The following KIAA0825 variants were observed in gnomAD, a reference collection of about 807,000 sequenced individuals.
The protein encoded by KIAA0825 is uncharacterized protein KIAA0825.
In KIAA0825, 119 loss-of-function variants were observed where a neutral mutation model predicts 147.6. The ratio of observed to expected loss-of-function variants is 0.81; its 90% CI spans 0.69 to 0.94. The LOEUF (loss-of-function observed/expected upper bound fraction) is 0.94, where lower values mean the gene tolerates loss of function less well. Among genes scored for constraint, KIAA0825 ranks in the 40% least tolerant of loss-of-function variants. KIAA0825 has a pLI of 0.00. For missense variants in KIAA0825, 1,381 were observed against 1,472.7 expected (o/e 0.94, Z 1.02); for synonymous variants, 470 against 518.1 (o/e 0.91, Z 1.26).
chr5:94,475,810 A>AAAAAG lies in KIAA0825; in HGVS notation c.1227+1296_1227+1300dup, dbSNP rs151020241. Among the ~76,000 whole-genome samples the AAAAAG allele has an allele frequency of 5.5e-3, 834 of 152,224 alleles. 4 individuals carry two copies. The highest frequency in any genetic ancestry group is 6.6e-3 in the African/African-American group (275 of 41,522). On this transcript the variant is annotated intron_variant, in intron 7 of 20. Transcript: ENST00000682413. ...GGTGACAGAGTGATACTATGTCTCA[A>AAAAAG]AAAAGAAAAGAAAAGAAAAGAAAAG...
intron 20 of KIAA0825, among the ~76,000 whole-genome samples, chr5:94,288,820 C>A (rs1777763983): frequency 6.6e-6 from 1 of 152,134 alleles, no homozygotes; most frequent in Admixed American, 6.6e-5. Flanking sequence ...GTTGTGGAAC[C>A]TGGAGTGTTC....
intron 20 of KIAA0825, among the ~76,000 whole-genome samples, chr5:94,332,370 C>T (rs1781369642): frequency 6.6e-6 from 1 of 151,984 alleles, no homozygotes; most frequent in Admixed American, 6.6e-5. Flanking sequence ...AATGCTATCC[C>T]TCCCCTTGCC....
rs1197007885 is a variant in KIAA0825, at chr5:94,520,943, G to T, written c.301-26C>A. The T allele has an allele frequency of 2.7e-6, 4 of 1,476,070 alleles. No individual in the cohort carries two copies. The East Asian group carries it at 7.1e-5, about 26-fold the overall frequency. 91.4% of individuals were successfully genotyped at this position (1,476,070 alleles called of 1,614,324 possible). A position where few individuals can be genotyped will look rare whatever the true frequency, so the allele number is the denominator to read the frequency against. On this transcript the variant is annotated intron_variant, in intron 4 of 20. Coordinates refer to ENST00000682413, the MANE Select transcript of KIAA0825 (RefSeq NM_001145678.3). Reference sequence around the variant, plus strand: ...CTAATGAAATTATAACATTAGAAATGTGATTAAGTGCAATAGAAAAAATGA... The same window carrying T: ...CTAATGAAATTATAACATTAGAAATTTGATTAAGTGCAATAGAAAAAATGA...
At chr5:94,262,734 G>A (rs931200941) in intron 20 of KIAA0825, among the ~76,000 whole-genome samples, 2 of 151,956 alleles carry the variant, frequency 1.3e-5, no homozygotes, top group African/African-American at 2.4e-5. Flanking sequence ...GTGTATCTAT[G>A]TCCCCTTATT....
At chr5:94,474,997 G>A (rs1166089474) in intron 7 of KIAA0825, among the ~76,000 whole-genome samples, 10 of 151,940 alleles carry the variant, frequency 6.6e-5, no homozygotes, top group Admixed American at 5.2e-4. Context: ...GCTGAGGCAG[G>A]AGAATCGCTG....
At chr5:94,549,342 C>T (rs557497874) in intron 2 of KIAA0825, among the ~76,000 whole-genome samples, 1 of 152,260 alleles carries the variant, frequency 6.6e-6, no homozygotes, top group African/African-American at 2.4e-5. Context: ...TCCTGAATGA[C>T]CAGTGGGTCA....
intron 1 of KIAA0825, chr5:94,594,089 T>C (rs897366378): frequency 2.0e-5 from 11 of 542,912 alleles, no homozygotes; most frequent in East Asian, 5.2e-5. Flanking sequence ...GATCCTCTTA[T>C]GTTAGTGTTT....
intron 18 of KIAA0825, among the ~76,000 whole-genome samples, chr5:94,387,159 A>G (rs1395412102): frequency 1.3e-5 from 2 of 152,234 alleles, no homozygotes; most frequent in African/African-American, 4.8e-5. Flanking sequence ...AAGTCATCTA[A>G]TAGATTTTAA....
chr5:94,355,386 G>A (rs1784132912), intron 20 of KIAA0825, among the ~76,000 whole-genome samples: 1 of 152,114 alleles, frequency 6.6e-6, no homozygotes, highest in Admixed American at 6.6e-5. Context: ...AAACATGTTT[G>A]GGGGTAAAAT....
intron 5 of KIAA0825, 33 bp downstream of exon 5, chr5:94,520,215 T>C (rs747633155): frequency 2.0e-6 from 3 of 1,535,564 alleles, no homozygotes; most frequent in Non-Finnish European, 1.7e-6. Context: ...AAGACTTAAG[T>C]TAAACCAAAC....
chr5:94,389,001 T>A (rs1749552998), intron 18 of KIAA0825, among the ~76,000 whole-genome samples: 1 of 152,236 alleles, frequency 6.6e-6, no homozygotes, highest in Non-Finnish European at 1.5e-5. Flanking sequence ...GTATGGTAGA[T>A]GCACCTGACG....
At chr5:94,375,113 C>G (rs1747355896) in intron 20 of KIAA0825, among the ~76,000 whole-genome samples, 1 of 148,836 alleles carries the variant, frequency 6.7e-6, no homozygotes, top group African/African-American at 2.5e-5. Context: ...CTCACTGCAA[C>G]CTCTGCCTCC....
At chr5:94,439,598 A>G (rs994137514) in intron 14 of KIAA0825, among the ~76,000 whole-genome samples, 1 of 151,840 alleles carries the variant, frequency 6.6e-6, no homozygotes, top group African/African-American at 2.4e-5. Context: ...TGTTAATCTA[A>G]TACTCTGTCT....
chr5:94,593,150 C>T, intron 1 of KIAA0825: 1 of 745,696 alleles, frequency 1.3e-6, no homozygotes, highest in South Asian at 1.3e-5. Context: ...CAACAGTTTG[C>T]TGGTGAGGCC....
chr5:94,174,051 C>T (rs9968691), intron 20 of KIAA0825, among the ~76,000 whole-genome samples: 2 of 152,104 alleles, frequency 1.3e-5, no homozygotes, highest in South Asian at 2.1e-4. Flanking sequence ...TAAGATACTT[C>T]GCTTGATCTC....
At chr5:94,267,705 G>A (rs541918974) in intron 20 of KIAA0825, among the ~76,000 whole-genome samples, 2 of 152,110 alleles carry the variant, frequency 1.3e-5, no homozygotes, top group African/African-American at 2.4e-5. Flanking sequence ...GACTACTTCC[G>A]CAATTACCTC....
chr5:94,243,978 C>T (rs1242126985), intron 20 of KIAA0825, among the ~76,000 whole-genome samples: 1 of 152,124 alleles, frequency 6.6e-6, no homozygotes, highest in East Asian at 1.9e-4. Context: ...TCCTACCTCT[C>T]TTTTTTCAGG....
chr5:94,296,239 G>A (rs1376814358), intron 20 of KIAA0825, among the ~76,000 whole-genome samples: 1 of 152,096 alleles, frequency 6.6e-6, no homozygotes, highest in Non-Finnish European at 1.5e-5. Flanking sequence ...CCTCAGTAAT[G>A]GCTGACACCC....
chr5:94,574,340 C>T (rs927733549), intron 2 of KIAA0825, among the ~76,000 whole-genome samples: 4 of 151,814 alleles, frequency 2.6e-5, no homozygotes, highest in South Asian at 4.2e-4. Flanking sequence ...ATCAGGAGTT[C>T]GAGACCAGTC....
Sources: allele counts gnomAD v4.1 joint callset (sites outside exome capture counted in the v4.1 genomes callset), GRCh38; gene constraint gnomAD v4.1.1; transcripts MANE v1.5; gene names NCBI Gene and HGNC (gene_info 2026-07-23, HGNC 2026-07-21).